ZFPM2: variants seen among roughly 807,000 people sequenced by gnomAD.
ZFPM2 encodes zinc finger protein ZFPM2.
In ZFPM2, 20 loss-of-function variants were observed where a neutral mutation model predicts 98.6. The observed-to-expected ratio is 0.20, with a 90% confidence interval of 0.14 to 0.29. The LOEUF (loss-of-function observed/expected upper bound fraction) is 0.29. ZFPM2 is among the 10% of genes least tolerant of loss of function. The pLI is 1.00. For missense variants in ZFPM2, 1,310 were observed against 1,388.6 expected (o/e 0.94, Z 0.90); for synonymous variants, 518 against 502.7 (o/e 1.03, Z -0.41).
intron 5 of ZFPM2, among the ~76,000 whole-genome samples, chr8:105,750,481 A>C (rs1586238096): frequency 6.6e-6 from 1 of 152,102 alleles, no homozygotes; most frequent in East Asian, 1.9e-4. Flanking sequence ...AATTAATATC[A>C]TTCAAGGAAA....
At chr8:105,476,916 C>T (rs58953289) in intron 3 of ZFPM2, among the ~76,000 whole-genome samples, 7 of 152,082 alleles carry the variant, frequency 4.6e-5, no homozygotes, top group Non-Finnish European at 8.8e-5. Flanking sequence ...AAGGCTTTTT[C>T]GTATTCAATC....
intron 3 of ZFPM2, among the ~76,000 whole-genome samples, chr8:105,552,018 G>T (rs1282648165): frequency 6.6e-6 from 1 of 152,202 alleles, no homozygotes; most frequent in Admixed American, 6.6e-5. Context: ...AGTTTTAACA[G>T]ACTACGTGTT....
intron 3 of ZFPM2, among the ~76,000 whole-genome samples, chr8:105,460,463 A>C (rs994866842): frequency 1.3e-5 from 2 of 152,154 alleles, no homozygotes; most frequent in Admixed American, 1.3e-4. Flanking sequence ...GAAACATCCA[A>C]CAGGTGGAAA....
intron 5 of ZFPM2, among the ~76,000 whole-genome samples, chr8:105,691,384 G>C (rs1487284876): frequency 7.0e-6 from 1 of 142,634 alleles, no homozygotes; most frequent in African/African-American, 2.7e-5. Context: ...GAGTAGCCGG[G>C]ACTACGGGCG....
chr8:105,638,258 G>A (rs1264378065), intron 5 of ZFPM2, among the ~76,000 whole-genome samples: 1 of 151,934 alleles, frequency 6.6e-6, no homozygotes, highest in Non-Finnish European at 1.5e-5. Flanking sequence ...ACTCTCCTAG[G>A]CAGGCCATAG....
intron 4 of ZFPM2, among the ~76,000 whole-genome samples, chr8:105,627,144 C>G (rs984145473): frequency 2.0e-5 from 3 of 152,098 alleles, no homozygotes; most frequent in Admixed American, 6.6e-5. Flanking sequence ...CTCCATTAAC[C>G]TTTTGGCTTG....
chr8:105,621,004 A>C (rs751873121), intron 4 of ZFPM2, among the ~76,000 whole-genome samples: 5 of 151,892 alleles, frequency 3.3e-5, no homozygotes, highest in Non-Finnish European at 7.4e-5. Context: ...ATTATCTTGG[A>C]AATGCGGGCT....
chr8:105,802,065 C>T lies in ZFPM2; in HGVS notation c.1983C>T (p.Asp661=). 1 of 1,613,734 alleles carries T rather than the reference C, an allele frequency of 6.2e-7. No homozygotes were observed. Residue 661 remains aspartate (D), a synonymous_variant, in exon 8 of 8, where the codon GAC becomes GAT. Transcript: ENST00000407775. Reference sequence around the variant, plus strand: ...TCTCCACCTCCAGTAACAATGATGACAAAATTAATGGAAAACCTGTTGATG... The same window carrying T: ...TCTCCACCTCCAGTAACAATGATGATAAAATTAATGGAAAACCTGTTGATG... ...KKLSTSSNND[D]KINGKPVDVK... is the part of the protein sequence containing the mutation.
At chr8:105,343,807 C>T (rs1043667720) in intron 1 of ZFPM2, among the ~76,000 whole-genome samples, 1 of 152,076 alleles carries the variant, frequency 6.6e-6, no homozygotes, top group Non-Finnish European at 1.5e-5. Context: ...ATTTAATATT[C>T]TAGATGGGCC....
In ZFPM2 at chr8:105,634,338, C is replaced by T. The variant is rs1277149918; in HGVS notation, c.513C>T (p.Asn171=). 1.9e-6 allele frequency: 3 copies of T among 1,612,196 alleles called. No homozygotes were observed. In the East Asian group the frequency reaches 6.7e-5, roughly 36 times the overall value. ...TWQGVEDNKN[N]CIVYSKGGQL... is the part of the protein sequence containing the mutation. ...AAGGAGTGGAAGACAACAAAAACAA[C>T]TGCATTGTGTACAGCAAAGGTAAAT... The change falls in exon 5 of 8, where the codon AAC becomes AAT. Residue 171 remains asparagine (N), a synonymous_variant. Transcript: ENST00000407775.
chr8:105,723,621 C>T (rs1332608446), intron 5 of ZFPM2, among the ~76,000 whole-genome samples: 1 of 151,806 alleles, frequency 6.6e-6, no homozygotes, highest in Non-Finnish European at 1.5e-5. Flanking sequence ...AAAGGGTTCT[C>T]ATTGTCGAGG....
chr8:105,424,141 G>A (rs752673750), intron 2 of ZFPM2, among the ~76,000 whole-genome samples: 16 of 152,018 alleles, frequency 1.1e-4, no homozygotes, highest in Non-Finnish European at 2.2e-4. Context: ...CCCCCAAAAC[G>A]TATTGAATTA....
intron 5 of ZFPM2, among the ~76,000 whole-genome samples, chr8:105,656,398 T>C (rs1817286807): frequency 6.6e-6 from 1 of 152,228 alleles, no homozygotes; most frequent in Non-Finnish European, 1.5e-5. Flanking sequence ...CTATCCATTA[T>C]TGTCAGAGTT....
chr8:105,564,046 C>A (rs1815194832), intron 4 of ZFPM2, among the ~76,000 whole-genome samples: 1 of 151,926 alleles, frequency 6.6e-6, no homozygotes, highest in Admixed American at 6.6e-5. Flanking sequence ...ATAAACCTGT[C>A]TGAGAAAGTT....
At chr8:105,685,595 T>A (rs1810715003) in intron 5 of ZFPM2, 1 of 152,080 alleles carries the variant, frequency 6.6e-6, no homozygotes, top group African/African-American at 2.4e-5. Flanking sequence ...AGCAATGCCC[T>A]AGTATCTTTG....
intron 5 of ZFPM2, among the ~76,000 whole-genome samples, chr8:105,765,076 CA>C (rs2131079768): frequency 6.6e-6 from 1 of 151,860 alleles, no homozygotes; most frequent in South Asian, 2.1e-4. Flanking sequence ...TTATTTCCCC[CA>C]CTGAACATAG....
chr8:105,378,461 T>C (rs1300951674), intron 1 of ZFPM2, among the ~76,000 whole-genome samples: 3 of 152,190 alleles, frequency 2.0e-5, no homozygotes, highest in Non-Finnish European at 4.4e-5. Context: ...TTTGTGTACA[T>C]GCCTTAATCT....
chr8:105,379,476 G>T (rs778306130), intron 1 of ZFPM2, among the ~76,000 whole-genome samples: 2 of 152,116 alleles, frequency 1.3e-5, no homozygotes, highest in Non-Finnish European at 2.9e-5. Flanking sequence ...ACATTGGTCC[G>T]GGCACGGTGG....
intron 3 of ZFPM2, among the ~76,000 whole-genome samples, chr8:105,499,151 C>G (rs1187809086): frequency 6.6e-6 from 1 of 151,948 alleles, no homozygotes; most frequent in Non-Finnish European, 1.5e-5. Flanking sequence ...CCCTCCTGCC[C>G]TGACATCTGC....
Sources: allele counts gnomAD v4.1 joint callset (sites outside exome capture counted in the v4.1 genomes callset), GRCh38; gene constraint gnomAD v4.1.1; transcripts MANE v1.5; gene names NCBI Gene and HGNC (gene_info 2026-07-23, HGNC 2026-07-21).